Variants in FMO4 observed in about 807,000 individuals in gnomAD.
FMO4 encodes the protein flavin containing dimethylaniline monoxygenase 4.
In FMO4, 38 loss-of-function variants were observed where a neutral mutation model predicts 43.3. The observed-to-expected ratio is 0.88, with a 90% CI of 0.68 to 1.15. The LOEUF (loss-of-function observed/expected upper bound fraction) is 1.15. Among genes scored for constraint, FMO4 ranks in the 50% most tolerant of loss-of-function variants. The pLI is 0.00. For synonymous variants in FMO4, 224 were observed against 232.2 expected, an observed-to-expected ratio of 0.96 and a Z score of 0.32; for missense variants, 631 against 663.3, an observed-to-expected ratio of 0.95 and a Z score of 0.54.
At chr1:171,320,022 G>A (rs1662343365) in intron 3 of FMO4, 65 bp downstream of exon 3, 1 of 1,575,008 alleles carries the variant, frequency 6.3e-7, no homozygotes, top group Non-Finnish European at 8.7e-7. Flanking sequence ...AGACATGGTG[G>A]CTTTAGCCTG....
chr1:171,334,721 G>A lies in FMO4; in HGVS notation c.1138G>A (p.Gly380Ser), dbSNP rs1011605442. 3 of 1,600,526 alleles carry A rather than the reference G, an allele frequency of 1.9e-6. No homozygotes were observed. In the African/African-American group the frequency reaches 4.1e-5, roughly 22 times the overall value. ...CGGCCTTAAAGGATCCATCTTATCA[G>A]GCACAGAGCTCCAAGCACGATGGGT... ...LIGLKGSILS[G>S]TELQARWVTR... The change falls in exon 8 of 10, where the codon GGC (glycine) becomes AGC (serine). Residue 380 changes from glycine (G) to serine (S), a missense_variant. Physicochemically the swap from Gly to Ser is moderately conservative, Grantham distance 56. Transcript: ENST00000367749.
chr1:171,332,943 AAATC>A lies in FMO4; in HGVS notation c.827+39_827+42del, dbSNP rs532642935. ...TTTTTTATTTAGTAGAAAAAATATT[AAATC>A]AATATTTATCATTACATTTTATTCA... On this transcript the variant is annotated intron_variant, in intron 7 of 9. Coordinates refer to ENST00000367749, the MANE Select transcript of FMO4 (RefSeq NM_002022.3). 1.4e-4 allele frequency: 130 copies of A among 934,902 alleles called. No individual in the cohort carries two copies. The South Asian group carries it at 1.7e-3, about 13-fold the overall frequency. 57.9% of individuals were successfully genotyped at this position (934,902 alleles called of 1,614,324 possible).
At chr1:171,329,440 C>G (rs1249144366) in intron 5 of FMO4, among the ~76,000 whole-genome samples, 1 of 152,216 alleles carries the variant, frequency 6.6e-6, no homozygotes, top group Non-Finnish European at 1.5e-5. Flanking sequence ...AAATTGCCAC[C>G]TTGGGCAAAG....
At chr1:171,339,182 T>G (rs1168599847) in intron 9 of FMO4, among the ~76,000 whole-genome samples, 7 of 152,166 alleles carry the variant, frequency 4.6e-5, no homozygotes, top group Non-Finnish European at 1.0e-4. Flanking sequence ...TAAAAAAATT[T>G]AGGTACATAT....
At chr1:171,341,366 A>G (rs762765069) in intron 9 of FMO4, 47 bp from the exon 10 acceptor site, 17 of 1,426,014 alleles carry the variant, frequency 1.2e-5, no homozygotes, top group Non-Finnish European at 1.6e-5. Context: ...TGAGAAATGC[A>G]GGGCAGGTGT....
At chr1:171,329,263 T>C (rs1033751356) in intron 5 of FMO4, among the ~76,000 whole-genome samples, 1 of 152,258 alleles carries the variant, frequency 6.6e-6, no homozygotes, top group Admixed American at 6.5e-5. Flanking sequence ...TGTCAGGTGG[T>C]GTCCCAGGTT....
intron 2 of FMO4, among the ~76,000 whole-genome samples, chr1:171,317,883 T>C (rs192281395): frequency 1.3e-5 from 2 of 152,306 alleles, no homozygotes; most frequent in African/African-American, 4.8e-5. Flanking sequence ...TTCTACTGAC[T>C]GAAATTCCTA....
chr1:171,322,013 A>G (rs1662453881), intron 3 of FMO4, among the ~76,000 whole-genome samples: 1 of 152,192 alleles, frequency 6.6e-6, no homozygotes, highest in South Asian at 2.1e-4. Context: ...TGTCTTTAAT[A>G]TAGACCTATT....
chr1:171,326,757 A>G (rs45579736), intron 5 of FMO4, among the ~76,000 whole-genome samples: 7,646 of 152,236 alleles, frequency 0.05, 592 homozygotes, highest in African/African-American at 0.17. Context: ...TTCAAGAGGC[A>G]ATTATTTAAC....
At chr1:171,327,681 G>A (rs972589284) in intron 5 of FMO4, among the ~76,000 whole-genome samples, 6 of 152,114 alleles carry the variant, frequency 3.9e-5, no homozygotes, top group Middle Eastern at 3.2e-3. Flanking sequence ...TTGGGAGGCC[G>A]AGGCAGGCAG....
chr1:171,321,151 C>G (rs1662406726), intron 3 of FMO4, among the ~76,000 whole-genome samples: 1 of 152,008 alleles, frequency 6.6e-6, no homozygotes, highest in African/African-American at 2.4e-5. Flanking sequence ...TTTGACCCCA[C>G]AGTTGGTTTG....
At chr1:171,334,874 G>C in intron 8 of FMO4, 111 bp downstream of exon 8, 1 of 605,496 alleles carries the variant, frequency 1.7e-6, no homozygotes, top group Non-Finnish European at 2.9e-6. Flanking sequence ...TTTAACATTA[G>C]TGTACAATTA....
At chr1:171,318,316 AAATAATAATAAT>A (rs536741358) in intron 2 of FMO4, among the ~76,000 whole-genome samples, 1 of 148,966 alleles carries the variant, frequency 6.7e-6, no homozygotes, top group African/African-American at 2.5e-5. Flanking sequence ...GACTGTCTCA[AAATAATAATAAT>A]AATAATAATA....
At chr1:171,333,750 T>C (rs774832491) in intron 7 of FMO4, among the ~76,000 whole-genome samples, 39 of 152,300 alleles carry the variant, frequency 2.6e-4, no homozygotes, top group Non-Finnish European at 5.4e-4. Flanking sequence ...AAGGATGATT[T>C]GATATGTAAA....
chr1:171,341,761 T>G lies in FMO4; in HGVS notation c.1599T>G (p.Ser533=). The part of the protein sequence containing the change: ...LLASLLLICK[S]SLFLKLVRDK... ...CCTCTCTTCTACTTATCTGTAAATC[T>G]TCACTTTTCTTGAAATTGGTGAGAG... The change falls in exon 10 of 10, where the codon TCT becomes TCG. Residue 533 remains serine, a synonymous_variant. Coordinates refer to ENST00000367749, the MANE Select transcript of FMO4 (RefSeq NM_002022.3). The G allele has an allele frequency of 6.2e-7, 1 of 1,613,898 alleles. No homozygotes were observed. The highest frequency in any genetic ancestry group is 1.1e-5 in the South Asian group (1 of 91,072).
rs372135641 is a variant in FMO4 at position 171,316,518 on chromosome 1, CAT to C, written c.-9+193_-9+194del. 3.0e-3 allele frequency among the ~76,000 whole-genome samples: 451 copies of C among 152,298 alleles called. 2 individuals are homozygous for C. The highest frequency in any genetic ancestry group is 5.6e-3 in the Non-Finnish European group (380 of 68,004). On this transcript the variant is annotated intron_variant, in intron 2 of 9. Transcript: ENST00000367749. Reference sequence around the variant, plus strand: ...TTTTAAAATGCAAACAATCCTTCAACATAGATATTTTTATTATTTTACAAATA... The same window carrying C: ...TTTTAAAATGCAAACAATCCTTCAACAGATATTTTTATTATTTTACAAATA...
intron 5 of FMO4, among the ~76,000 whole-genome samples, chr1:171,327,020 T>C (rs1662696370): frequency 6.6e-6 from 1 of 152,200 alleles, no homozygotes. Flanking sequence ...AATATGTAAT[T>C]ACGGAGAATC....
chr1:171,333,449 C>T (rs1197902475), intron 7 of FMO4, among the ~76,000 whole-genome samples: 16 of 152,000 alleles, frequency 1.1e-4, no homozygotes, highest in Admixed American at 1.0e-3. Flanking sequence ...GTTTTGAACT[C>T]CTGGTCTCAA....
chr1:171,336,010 G>A (rs1663099754), intron 8 of FMO4, among the ~76,000 whole-genome samples: 1 of 152,112 alleles, frequency 6.6e-6, no homozygotes, highest in Non-Finnish European at 1.5e-5. Flanking sequence ...TAGGAGTAAT[G>A]GCATGCTTCT....
Sources: gnomAD v4.1 joint callset for allele counts (sites outside exome capture counted in the v4.1 genomes callset) on GRCh38, gnomAD v4.1.1 for gene constraint, MANE v1.5 for transcripts, NCBI Gene and HGNC (gene_info 2026-07-23, HGNC 2026-07-21) for gene names.